NHSL1: variants seen among roughly 807,000 people sequenced by gnomAD.
NHSL1 encodes the protein NHS like 1.
In NHSL1, 48 loss-of-function variants were observed where a neutral mutation model predicts 95.0. The observed-to-expected ratio is 0.51, with a 90% confidence interval of 0.40 to 0.64. The LOEUF (loss-of-function observed/expected upper bound fraction) is 0.64, where lower values mean the gene tolerates loss of function less well. NHSL1 is among the 30% of genes least tolerant of loss of function. The pLI, the probability that NHSL1 is intolerant of heterozygous loss-of-function variation, is 0.00. For synonymous variants in NHSL1, 783 were observed against 833.9 expected, an observed-to-expected ratio of 0.94 and a Z score of 1.05; for missense variants, 1,971 against 2,077.7, an observed-to-expected ratio of 0.95 and a Z score of 1.00.
At chr6:138,591,711 T>G (rs1334256709) in intron 1 of NHSL1, among the ~76,000 whole-genome samples, 1 of 152,180 alleles carries the variant, frequency 6.6e-6, no homozygotes, top group Non-Finnish European at 1.5e-5. Flanking sequence ...GGATTACAGG[T>G]GTGAGCCACC....
chr6:138,578,313 T>C (rs1176893383), intron 1 of NHSL1, among the ~76,000 whole-genome samples: 1 of 152,194 alleles, frequency 6.6e-6, no homozygotes. Context: ...ACAGAAGCAA[T>C]ATGGCAGATT....
In NHSL1 at chr6:138,445,956, TTGCACTTTG is replaced by T. The variant is rs142427469; in HGVS notation, c.532+1036_532+1044del. Among the ~76,000 whole-genome samples, 882 of 152,332 alleles carry T rather than the reference TTGCACTTTG, an allele frequency of 5.8e-3. 4 individuals carry two copies. The highest frequency in any genetic ancestry group is 0.02 in the African/African-American group (812 of 41,562). On this transcript the variant is annotated intron_variant, in intron 4 of 7. Coordinates refer to ENST00000343505, the MANE Select transcript of NHSL1 (RefSeq NM_001144060.2). ...GCTATTAACTCTTCACATGTCTATTTTGCACTTTGTGCCCTCCCCAAACCACTAACCCAT... is the reference window on the plus strand; with the variant it reads ...GCTATTAACTCTTCACATGTCTATTTTGCCCTCCCCAAACCACTAACCCAT...
chr6:138,684,461 C>T (rs1358168916), intron 1 of NHSL1, among the ~76,000 whole-genome samples: 1 of 152,124 alleles, frequency 6.6e-6, no homozygotes, highest in Non-Finnish European at 1.5e-5. Flanking sequence ...GCCTGGCCAA[C>T]ATGGCAAAAC....
chr6:138,618,610 C>T (rs1348897992), intron 1 of NHSL1, among the ~76,000 whole-genome samples: 1 of 151,970 alleles, frequency 6.6e-6, no homozygotes, highest in African/African-American at 2.4e-5. Flanking sequence ...TTTAAATGAA[C>T]ACATTTAACT....
chr6:138,435,662 A>G (rs1293208528), intron 5 of NHSL1, among the ~76,000 whole-genome samples: 1 of 152,036 alleles, frequency 6.6e-6, no homozygotes, highest in Non-Finnish European at 1.5e-5. Flanking sequence ...CTATAGATGC[A>G]TACGTCGTTT....
At chr6:138,677,603 G>C (rs892756786) in intron 1 of NHSL1, among the ~76,000 whole-genome samples, 1 of 152,184 alleles carries the variant, frequency 6.6e-6, no homozygotes, top group African/African-American at 2.4e-5. Context: ...AGAGGCAAAA[G>C]CTTTTTAAAG....
At chr6:138,511,674 G>A (rs995026047) in intron 1 of NHSL1, among the ~76,000 whole-genome samples, 7 of 152,126 alleles carry the variant, frequency 4.6e-5, no homozygotes, top group Admixed American at 2.0e-4. Flanking sequence ...AGTGGCTGAC[G>A]CCTGTAATAA....
chr6:138,579,335 C>G (rs1784018665), intron 1 of NHSL1, among the ~76,000 whole-genome samples: 2 of 152,168 alleles, frequency 1.3e-5, no homozygotes, highest in Non-Finnish European at 2.9e-5. Context: ...TTATTTTGAT[C>G]TTAACAAGTT....
At position 138,491,626 on chromosome 6, in the gene NHSL1, G is replaced by A. The variant is rs151160450; in HGVS notation, c.211+4593C>T. ...ACTTCTTCTGGAAACTCAGTAAGAA[G>A]CTGAGTGAATTCTTCACAGATAATG... On this transcript the variant is annotated intron_variant, in intron 2 of 7. Transcript: ENST00000343505. Among the ~76,000 whole-genome samples the A allele has an allele frequency of 9.0e-4, 137 of 152,336 alleles. 1 individual carries two copies. Among genetic ancestry groups the A allele is most frequent in the South Asian group, 1.5e-3 (7 of 4,826 alleles).
chr6:138,463,619 C>A (rs1033822900), intron 3 of NHSL1, among the ~76,000 whole-genome samples: 1 of 151,348 alleles, frequency 6.6e-6, no homozygotes, highest in African/African-American at 2.4e-5. Context: ...TGGTTTGCTG[C>A]ACCTATCAAC....
intron 1 of NHSL1, among the ~76,000 whole-genome samples, chr6:138,562,956 T>G (rs1049186871): frequency 6.6e-6 from 1 of 152,204 alleles, no homozygotes; most frequent in Non-Finnish European, 1.5e-5. Context: ...CTAGGAGAAG[T>G]ATGAAGTGCA....
intron 1 of NHSL1, among the ~76,000 whole-genome samples, chr6:138,639,870 A>G (rs999478337): frequency 7.1e-6 from 1 of 141,216 alleles, no homozygotes; most frequent in Non-Finnish European, 1.5e-5. Flanking sequence ...CTTACAAACC[A>G]TTTTTCAAAT....
chr6:138,602,903 T>C (rs1038104537), intron 1 of NHSL1, among the ~76,000 whole-genome samples: 1 of 152,164 alleles, frequency 6.6e-6, no homozygotes, highest in Non-Finnish European at 1.5e-5. Context: ...TGTGACAAAT[T>C]AAAACAGAAT....
At chr6:138,449,805 T>A (rs758681293) in intron 3 of NHSL1, among the ~76,000 whole-genome samples, 1 of 152,204 alleles carries the variant, frequency 6.6e-6, no homozygotes, top group African/African-American at 2.4e-5. Flanking sequence ...AATAAAGGCA[T>A]GTGGAAAAGA....
chr6:138,464,238 C>T (rs986838565), intron 3 of NHSL1: 29 of 815,556 alleles, frequency 3.6e-5, no homozygotes, highest in African/African-American at 3.5e-4. Context: ...TTGGCCATCA[C>T]GGCCGGCACC....
intron 1 of NHSL1, among the ~76,000 whole-genome samples, chr6:138,685,869 G>C (rs531856511): frequency 1.0e-3 from 157 of 152,002 alleles, no homozygotes; most frequent in African/African-American, 3.6e-3. Context: ...CAGCTCCATT[G>C]CTTACCAGCT....
upstream of NHSL1, among the ~76,000 whole-genome samples, chr6:138,499,809 G>T (rs1205002853): frequency 6.6e-6 from 1 of 152,124 alleles, no homozygotes; most frequent in Non-Finnish European, 1.5e-5. Context: ...AGTTAATTCA[G>T]GGTATATGGG....
chr6:138,685,759 G>GT (rs11419477), intron 1 of NHSL1, among the ~76,000 whole-genome samples: 6,831 of 149,186 alleles, frequency 0.046, 320 homozygotes, highest in African/African-American at 0.12. Context: ...CAGACACAAA[G>GT]TTTTTTTTTT....
chr6:138,673,469 A>AC (rs1392696128), intron 1 of NHSL1, among the ~76,000 whole-genome samples: 1 of 151,946 alleles, frequency 6.6e-6, no homozygotes, highest in Non-Finnish European at 1.5e-5. Flanking sequence ...CAAAAAAAAA[A>AC]ACAAAAAACA....
Sources: allele counts gnomAD v4.1 joint callset (sites outside exome capture counted in the v4.1 genomes callset), GRCh38; gene constraint gnomAD v4.1.1; transcripts MANE v1.5; gene names NCBI Gene and HGNC (gene_info 2026-07-23, HGNC 2026-07-21).